The following REDIC1 variants were observed in gnomAD, a reference collection of about 807,000 sequenced individuals.
The protein encoded by REDIC1 is regulator of DNA class I crossover intermediates 1.
the REDIC1 span, chr12:39,835,648 T>A: frequency 6.6e-6 from 1 of 152,058 alleles, no homozygotes; most frequent in African/African-American, 2.4e-5. Context: ...GCAAAATAGA[T>A]TCTGAGCACC....
the REDIC1 span, among the ~76,000 whole-genome samples, chr12:39,651,625 C>A: frequency 6.6e-6 from 1 of 152,112 alleles, no homozygotes. Flanking sequence ...ACTTACATTT[C>A]TGTTTGTATG....
the REDIC1 span, among the ~76,000 whole-genome samples, chr12:39,799,027 C>T: frequency 6.7e-6 from 1 of 150,120 alleles, no homozygotes; most frequent in Non-Finnish European, 1.5e-5. Flanking sequence ...ATTATCCCCA[C>T]TTCAGATAAT....
the REDIC1 span, among the ~76,000 whole-genome samples, chr12:39,684,489 T>C: frequency 6.6e-6 from 1 of 152,212 alleles, no homozygotes; most frequent in Non-Finnish European, 1.5e-5. Flanking sequence ...AATTAAAACA[T>C]AGACTTACAA....
chr12:39,839,769 C>A, the REDIC1 span, among the ~76,000 whole-genome samples: 1 of 152,028 alleles, frequency 6.6e-6, no homozygotes, highest in Non-Finnish European at 1.5e-5. Context: ...GCCCCCATGA[C>A]CTCTTTCTTT....
chr12:39,761,781 G>T, the REDIC1 span, among the ~76,000 whole-genome samples: 2 of 152,010 alleles, frequency 1.3e-5, no homozygotes, highest in Non-Finnish European at 2.9e-5. Context: ...AGTACAGATG[G>T]TAAAACATTT....
At chr12:39,859,333 G>T in the REDIC1 span, among the ~76,000 whole-genome samples, 97 of 62,016 alleles carry the variant, frequency 1.6e-3, no homozygotes, top group Middle Eastern at 0.011. Flanking sequence ...TTTTTTTTCT[G>T]AAAAAAAAAA....
At chr12:39,720,666 C>A in the REDIC1 span, 1 of 804,582 alleles carries the variant, frequency 1.2e-6, no homozygotes, top group African/African-American at 1.8e-5. Context: ...ACTTGCCAAA[C>A]TCTCTTCTGT....
At chr12:39,712,205 CAT>C in the REDIC1 span, among the ~76,000 whole-genome samples, 15 of 10,756 alleles carry the variant, frequency 1.4e-3, no homozygotes, top group African/African-American at 2.4e-3. Context: ...TACATATATA[CAT>C]ATGTATATAT....
the REDIC1 span, among the ~76,000 whole-genome samples, chr12:39,735,698 C>T: frequency 2.0e-5 from 3 of 152,160 alleles, no homozygotes; most frequent in Non-Finnish European, 4.4e-5. Flanking sequence ...ATTGTACAAC[C>T]CTTTGCAAAG....
chr12:39,652,911 C>T, the REDIC1 span, among the ~76,000 whole-genome samples: 1 of 152,048 alleles, frequency 6.6e-6, no homozygotes, highest in Non-Finnish European at 1.5e-5. Flanking sequence ...TAGTACCAAA[C>T]TGTCTTGGTT....
At chr12:39,714,079 A>ATGTATATATG in the REDIC1 span, among the ~76,000 whole-genome samples, 2 of 136,302 alleles carry the variant, frequency 1.5e-5, no homozygotes, top group Admixed American at 7.4e-5. Context: ...ATACGTGTAT[A>ATGTATATATG]TACACATATA....
At chr12:39,813,725 G>A in the REDIC1 span, among the ~76,000 whole-genome samples, 1 of 152,084 alleles carries the variant, frequency 6.6e-6, no homozygotes, top group Non-Finnish European at 1.5e-5. Flanking sequence ...GAAGCTTCAG[G>A]GAGACTTGAA....
At chr12:39,781,855 A>T in the REDIC1 span, among the ~76,000 whole-genome samples, 1 of 152,200 alleles carries the variant, frequency 6.6e-6, no homozygotes, top group Non-Finnish European at 1.5e-5. Context: ...CATACCCTGG[A>T]GGAAGGGATT....
the REDIC1 span, among the ~76,000 whole-genome samples, chr12:39,823,708 C>G: frequency 6.6e-6 from 1 of 152,172 alleles, no homozygotes; most frequent in Non-Finnish European, 1.5e-5. Context: ...TTTCACCTCT[C>G]GAGTAGCTGG....
chr12:39,819,309 T>C, the REDIC1 span, among the ~76,000 whole-genome samples: 1 of 152,206 alleles, frequency 6.6e-6, no homozygotes, highest in East Asian at 1.9e-4. Context: ...TTCTCATTTA[T>C]GTCATAGAAA....
the REDIC1 span, among the ~76,000 whole-genome samples, chr12:39,703,121 T>A: frequency 1.3e-5 from 2 of 151,806 alleles, no homozygotes; most frequent in African/African-American, 4.8e-5. Flanking sequence ...GGGGATTATA[T>A]TAGGAAAAGA....
At chr12:39,643,781 A>C in the REDIC1 span, 45 of 1,522,368 alleles carry the variant, frequency 3.0e-5, 1 homozygote, top group Admixed American at 4.1e-4. Flanking sequence ...TATTTTAGGA[A>C]TATTTTGAAA....
At chr12:39,781,744 G>A in the REDIC1 span, among the ~76,000 whole-genome samples, 5 of 152,320 alleles carry the variant, frequency 3.3e-5, no homozygotes, top group Non-Finnish European at 1.5e-5. Context: ...CAACATAAAA[G>A]AGATATTAGT....
chr12:39,892,887 G>T, the REDIC1 span, among the ~76,000 whole-genome samples: 1 of 152,100 alleles, frequency 6.6e-6, no homozygotes, highest in Non-Finnish European at 1.5e-5. Context: ...AAGCAAAATT[G>T]TAGAGCTTTA....
Sources: gnomAD v4.1 joint callset for allele counts (sites outside exome capture counted in the v4.1 genomes callset) on GRCh38, gnomAD v4.1.1 for gene constraint, MANE v1.5 for transcripts, NCBI Gene and HGNC (gene_info 2026-07-23, HGNC 2026-07-21) for gene names.